The following CASQ1 variants were observed in gnomAD, a reference collection of about 807,000 sequenced individuals.
CASQ1 encodes the protein calsequestrin 1.
CASQ1 carries 40 observed loss-of-function variants against 49.5 expected under a neutral mutation model. That is an observed-to-expected ratio of 0.81 (90% confidence interval 0.63 to 1.05). CASQ1 has a LOEUF of 1.05. Ranked by LOEUF, CASQ1 falls within the 50% of genes least tolerant of loss-of-function variation. The pLI is 0.00. For synonymous variants in CASQ1, 174 were observed against 187.2 expected (o/e 0.93, Z 0.58); for missense variants, 469 against 486.9 (o/e 0.96, Z 0.35).
chr1:160,201,485 G>GACCCCAGTT lies in CASQ1; in HGVS notation c.*110_*111insCCCCAGTTA. 1 of 1,198,068 alleles carries GACCCCAGTT rather than the reference G, an allele frequency of 8.3e-7. No homozygotes were observed. Among genetic ancestry groups the GACCCCAGTT allele is most frequent in the Non-Finnish European group, 1.2e-6 (1 of 840,514 alleles). The allele number at this position is 1,198,068 out of a possible 1,614,324, so 74.2% of individuals were successfully genotyped here. On this transcript the variant is annotated 3_prime_UTR_variant, in exon 11 of 11. Coordinates refer to ENST00000368078, the MANE Select transcript of CASQ1 (RefSeq NM_001231.5). Reference sequence around the variant, plus strand: ...GGAGACTAGGTTATTCTCTGCCATAGAGCTAACTGGGGTCTATATGCTGGG... The same window carrying GACCCCAGTT: ...GGAGACTAGGTTATTCTCTGCCATAGACCCCAGTTAGCTAACTGGGGTCTATATGCTGGG...
At chr1:160,194,989 C>T (rs762913040) in intron 3 of CASQ1, 23 bp from the exon 4 acceptor site, 7 of 1,438,084 alleles carry the variant, frequency 4.9e-6, no homozygotes, top group Non-Finnish European at 6.7e-6. Context: ...AAACTCTCTT[C>T]CTGCAATGTC....
Position 160,195,937 on chromosome 1 carries a change from T to A in CASQ1, c.692T>A (p.Phe231Tyr). ...ACCCTGAAGCTGAATGAGATTGATT[T>A]CTACGAGGCCTTCATGGAAGAGCCT... ...KLTLKLNEID[F>Y]YEAFMEEPVT... Residue 231 changes from phenylalanine to tyrosine, a missense_variant, in exon 6 of 11, where the codon TTC becomes TAC. Coordinates refer to ENST00000368078, the MANE Select transcript of CASQ1 (RefSeq NM_001231.5). 1 of 1,614,068 alleles carries A rather than the reference T, an allele frequency of 6.2e-7. No individual in the cohort carries two copies. The highest frequency in any genetic ancestry group is 1.1e-5 in the South Asian group (1 of 91,062).
intron 7 of CASQ1, 99 bp from the exon 8 acceptor site, chr1:160,198,578 G>A (rs822450): frequency 0.4 from 327,830 of 812,808 alleles, 70,132 homozygotes; most frequent in East Asian, 0.52. Flanking sequence ...ACAAAATTGA[G>A]GTTCAATGAA....
Position 160,201,504 on chromosome 1 carries a change from T to TG in CASQ1, c.*129dup, listed in dbSNP as rs1654375364. The TG allele has an allele frequency of 1.0e-6, 1 of 969,612 alleles. No homozygotes were observed. The allele number at this position is 969,612 out of a possible 1,614,324, so 60.1% of individuals were successfully genotyped here. A position where few individuals can be genotyped will look rare whatever the true frequency, so the allele number is the denominator to read the frequency against. ...GCCATAGAGCTAACTGGGGTCTATA[T>TG]GCTGGGTGCTGAGACACTGATCCCC... is the stretch of plus-strand genomic sequence containing the variant. On this transcript the variant is annotated 3_prime_UTR_variant, in exon 11 of 11. Transcript: ENST00000368078.
In CASQ1 at chr1:160,191,571, C is replaced by T. The variant is rs1654076604; in HGVS notation, c.279+541C>T. 2.6e-5 allele frequency among the ~76,000 whole-genome samples: 4 copies of T among 152,212 alleles called. No individual in the cohort carries two copies. In the South Asian group the frequency reaches 6.2e-4, roughly 24 times the overall value. ...CCAGTCCCCTCTCTCTTCCTTCCCC[C>T]TCCCTAATTCCCCATTTGTCTCCAT... On this transcript the variant is annotated intron_variant, in intron 1 of 10. Coordinates refer to ENST00000368078, the MANE Select transcript of CASQ1 (RefSeq NM_001231.5).
intron 1 of CASQ1, among the ~76,000 whole-genome samples, chr1:160,191,459 G>A (rs1010394935): frequency 1.3e-5 from 2 of 152,196 alleles, no homozygotes; most frequent in Non-Finnish European, 1.5e-5. Flanking sequence ...ACCCCAAAGA[G>A]ATCCAAACTG....
Position 160,198,386 on chromosome 1 carries a change from C to T in CASQ1, c.829-291C>T, listed in dbSNP as rs558981159. The T allele has an allele frequency of 3.6e-4, 94 of 260,794 alleles. 1 individual carries two copies. The South Asian group carries it at 4.4e-3, about 12-fold the overall frequency. 16.2% of individuals were successfully genotyped at this position (260,794 alleles called of 1,614,324 possible). On this transcript the variant is annotated intron_variant, in intron 7 of 10. Coordinates refer to ENST00000368078, the MANE Select transcript of CASQ1 (RefSeq NM_001231.5). ...AGGTGTGGTGGCGCATGGCTGTAAT[C>T]CCAGCTACTCAGGAGGCTGAGGCAG...
At chr1:160,197,424 T>G in intron 6 of CASQ1, 145 bp from the exon 7 acceptor site, 1 of 661,522 alleles carries the variant, frequency 1.5e-6, no homozygotes. Context: ...GTGCCCAGAG[T>G]TGAGGCCTTG....
intron 7 of CASQ1, 64 bp downstream of exon 7, chr1:160,197,678 A>T: frequency 8.8e-7 from 1 of 1,135,166 alleles, no homozygotes; most frequent in Admixed American, 1.7e-5. Flanking sequence ...CTCAAGTCCT[A>T]GAAAAACCCC....
intron 1 of CASQ1, 52 bp from the exon 2 acceptor site, chr1:160,192,750 G>A (rs1654106232): frequency 9.4e-6 from 14 of 1,492,688 alleles, no homozygotes; most frequent in Middle Eastern, 1.7e-4. Context: ...AGGGAGAATA[G>A]GGGATAATAA....
At position 160,199,850 on chromosome 1, in the gene CASQ1, G is replaced by A. The variant is rs561539993; in HGVS notation, c.985-1G>A. On this transcript the variant is annotated splice_acceptor_variant, in intron 9 of 10. Transcript: ENST00000368078. LOFTEE classifies it high-confidence loss of function. ...GTTGCTGTATTTTGATCTCTCTACAGCTGGTCCCATACTGGGAGAAGACGT... is the reference window on the plus strand; with the variant it reads ...GTTGCTGTATTTTGATCTCTCTACAACTGGTCCCATACTGGGAGAAGACGT... The A allele has an allele frequency of 2.5e-6, 4 of 1,605,188 alleles. No individual in the cohort carries two copies. Among genetic ancestry groups the A allele is most frequent in the African/African-American group, 2.7e-5 (2 of 74,846 alleles).
chr1:160,192,560 C>T (rs949327360), intron 1 of CASQ1: 1 of 477,048 alleles, frequency 2.1e-6, no homozygotes, highest in African/African-American at 2.0e-5. Flanking sequence ...AGTGCAGTGT[C>T]TTCAAGTCCA....
chr1:160,197,520 G>T (rs1206563564), intron 6 of CASQ1, 49 bp from the exon 7 acceptor site: 1 of 1,369,526 alleles, frequency 7.3e-7, no homozygotes, highest in Non-Finnish European at 1.0e-6. Flanking sequence ...CTCTGGAGGG[G>T]GCATCCTTCT....
chr1:160,193,848 G>GT lies in CASQ1; in HGVS notation c.465+2dup. On this transcript the variant is annotated splice_donor_variant, in intron 3 of 10. Transcript: ENST00000368078. LOFTEE classifies it high-confidence loss of function. ...CACCATCGTGGAGTTTCTGCTTGAT[G>GT]TAAGGACTCCCCTGGACCTGACGGC... 6.2e-7 allele frequency: 1 copy of GT among 1,607,424 alleles called. No homozygotes were observed. The highest frequency in any genetic ancestry group is 2.2e-5 in the East Asian group (1 of 44,848).
chr1:160,198,679 G>A lies in CASQ1; in HGVS notation c.831G>A (p.Glu277=). The A allele has an allele frequency of 1.9e-6, 3 of 1,613,112 alleles. No individual in the cohort carries two copies. The highest frequency in any genetic ancestry group is 2.5e-6 in the Non-Finnish European group (3 of 1,179,058). Residue 277 remains glutamate, a splice_region_variant and synonymous_variant, in exon 8 of 11, where the codon GAG becomes GAA. Coordinates refer to ENST00000368078, the MANE Select transcript of CASQ1 (RefSeq NM_001231.5). ...TTCTCCTTCTTACCCCCTGACAGGA[G>A]GATGATATGGATGGAATCCACATTG... ...LKPESMYETW[E]DDMDGIHIVA... is the part of the protein sequence containing the mutation.
At chr1:160,197,832 C>A (rs554996201) in intron 7 of CASQ1, among the ~76,000 whole-genome samples, 14 of 151,930 alleles carry the variant, frequency 9.2e-5, no homozygotes, top group African/African-American at 3.4e-4. Flanking sequence ...TCCTGGCTAA[C>A]ACAGTGAAAC....
At chr1:160,193,942 C>T in intron 3 of CASQ1, 95 bp downstream of exon 3, 1 of 737,778 alleles carries the variant, frequency 1.4e-6, no homozygotes. Context: ...CACACACACA[C>T]CACACACACA....
intron 7 of CASQ1, chr1:160,198,464 A>AT (rs764430527): frequency 7.2e-5 from 33 of 460,062 alleles, no homozygotes; most frequent in Non-Finnish European, 1.1e-4. Flanking sequence ...AGATCGCGCC[A>AT]TTGCACTCTA....
chr1:160,190,682 C>G lies in CASQ1; in HGVS notation c.-70C>G. On this transcript the variant is annotated 5_prime_UTR_variant, in exon 1 of 11. Transcript: ENST00000368078. ...GAGCCCCTAACTCAGAATCTGGGAC[C>G]CAGGGGCCCCTCCCTACCCCAGCTA... 4.0e-6 allele frequency: 6 copies of G among 1,494,094 alleles called. No individual in the cohort carries two copies. The highest frequency in any genetic ancestry group is 2.7e-6 in the Non-Finnish European group (3 of 1,101,706). The allele number at this position is 1,494,094 out of a possible 1,614,324, so 92.6% of individuals were successfully genotyped here.
Sources: allele counts gnomAD v4.1 joint callset (sites outside exome capture counted in the v4.1 genomes callset), GRCh38; gene constraint gnomAD v4.1.1; transcripts MANE v1.5; gene names NCBI Gene and HGNC (gene_info 2026-07-23, HGNC 2026-07-21).